The following WDR43 variants were observed in gnomAD, a reference collection of about 807,000 sequenced individuals.
The protein encoded by WDR43 is WD repeat domain 43.
Under a neutral mutation model 91.4 loss-of-function variants are expected in WDR43, and 13 were observed. The ratio of observed to expected loss-of-function variants is 0.14; its 90% CI spans 0.09 to 0.23. The LOEUF is 0.23. Among genes scored for constraint, WDR43 ranks in the 10% least tolerant of loss-of-function variants. WDR43 has a pLI of 1.00. For synonymous variants in WDR43, 331 were observed against 287.9 expected (o/e 1.15, Z -1.51); for missense variants, 780 against 809.4 (o/e 0.96, Z 0.44).
chr2:28,938,948 G>GT (rs1156817168), intron 14 of WDR43, among the ~76,000 whole-genome samples: 65 of 150,978 alleles, frequency 4.3e-4, no homozygotes, highest in African/African-American at 1.5e-3. Context: ...GGTGAGAGGG[G>GT]TTTTGGGAGG....
At chr2:28,929,543 T>A in intron 10 of WDR43, 36 bp from the exon 11 acceptor site, 1 of 1,490,306 alleles carries the variant, frequency 6.7e-7, no homozygotes, top group Non-Finnish European at 9.0e-7. Context: ...TTAAGTCTTG[T>A]CTGGTAACAC....
chr2:28,944,693 C>T (rs1167034087), intron 16 of WDR43, among the ~76,000 whole-genome samples: 10 of 152,226 alleles, frequency 6.6e-5, no homozygotes, highest in Admixed American at 5.9e-4. Context: ...ATGATACCTT[C>T]TGTGTAGCAT....
chr2:28,906,333 A>C (rs935813478), intron 2 of WDR43, 127 bp from the exon 3 acceptor site: 12 of 879,930 alleles, frequency 1.4e-5, no homozygotes, highest in Non-Finnish European at 2.0e-5. Context: ...TGAAATATCC[A>C]CGTGTGGGCC....
At chr2:28,901,966 A>G (rs1300688736) in intron 1 of WDR43, 21 bp from the exon 2 acceptor site, 4 of 1,580,106 alleles carry the variant, frequency 2.5e-6, no homozygotes, top group East Asian at 2.2e-5. Context: ...AAATAAAAAC[A>G]TTGTTTTTCT....
intron 1 of WDR43, chr2:28,895,417 T>C: frequency 6.5e-6 from 1 of 153,744 alleles, no homozygotes; most frequent in Non-Finnish European, 1.4e-5. Flanking sequence ...GGGTGCCGGC[T>C]CACCACGTGT....
chr2:28,935,234 A>C (rs1264677784), intron 11 of WDR43, among the ~76,000 whole-genome samples: 1 of 152,210 alleles, frequency 6.6e-6, no homozygotes, highest in Non-Finnish European at 1.5e-5. Flanking sequence ...ATATGTCTGT[A>C]TTCAAACGTC....
At chr2:28,928,645 G>T (rs1279470150) in intron 10 of WDR43, among the ~76,000 whole-genome samples, 1 of 152,118 alleles carries the variant, frequency 6.6e-6, no homozygotes, top group African/African-American at 2.4e-5. Context: ...TCAGGAATCA[G>T]TTCTATACAA....
At chr2:28,897,929 G>T (rs1670511739) in intron 1 of WDR43, among the ~76,000 whole-genome samples, 1 of 152,196 alleles carries the variant, frequency 6.6e-6, no homozygotes, top group Admixed American at 6.5e-5. Context: ...CTTTAATGAG[G>T]ACAAGAAGAT....
chr2:28,904,019 G>A (rs1670627736), intron 2 of WDR43, among the ~76,000 whole-genome samples: 1 of 152,074 alleles, frequency 6.6e-6, no homozygotes, highest in Admixed American at 6.6e-5. Context: ...TGGCCATGCT[G>A]GTGTCGAACT....
At chr2:28,902,520 C>T (rs1670596634) in intron 2 of WDR43, among the ~76,000 whole-genome samples, 1 of 152,202 alleles carries the variant, frequency 6.6e-6, no homozygotes, top group Non-Finnish European at 1.5e-5. Flanking sequence ...TGAAGAGTGG[C>T]CCCATGGGCA....
intron 7 of WDR43, among the ~76,000 whole-genome samples, chr2:28,923,359 T>G (rs1227634017): frequency 6.6e-6 from 1 of 152,174 alleles, no homozygotes; most frequent in Non-Finnish European, 1.5e-5. Flanking sequence ...AGTATTGTTG[T>G]CAGGTTGTGT....
At chr2:28,895,090 G>C in intron 1 of WDR43, 167 bp downstream of exon 1, 1 of 606,546 alleles carries the variant, frequency 1.6e-6, no homozygotes, top group Admixed American at 4.6e-5. Flanking sequence ...AGCCCCGCGT[G>C]CGGCCTGCCG....
At chr2:28,935,789 A>G (rs1187968323) in intron 12 of WDR43, 182 bp downstream of exon 12, 1 of 394,784 alleles carries the variant, frequency 2.5e-6, no homozygotes, top group Non-Finnish European at 4.5e-6. Flanking sequence ...TTCCTGGGGC[A>G]ATGAAAGGAA....
At chr2:28,911,153 T>A (rs1006553914) in intron 3 of WDR43, among the ~76,000 whole-genome samples, 2 of 152,040 alleles carry the variant, frequency 1.3e-5, no homozygotes, top group Non-Finnish European at 2.9e-5. Flanking sequence ...TCTCATACCC[T>A]GTTTAAATAC....
At chr2:28,905,196 G>C (rs1385454282) in intron 2 of WDR43, 2 of 152,194 alleles carry the variant, frequency 1.3e-5, no homozygotes, top group African/African-American at 4.8e-5. Flanking sequence ...CTAATTCAGA[G>C]GAGGGGCATA....
At chr2:28,938,572 A>AT (rs1237701675) in intron 14 of WDR43, among the ~76,000 whole-genome samples, 4 of 151,928 alleles carry the variant, frequency 2.6e-5, no homozygotes, top group African/African-American at 9.7e-5. Context: ...AAAGTATTCA[A>AT]TTTTTTTTCT....
intron 3 of WDR43, among the ~76,000 whole-genome samples, chr2:28,910,677 A>AT: frequency 1.0e-5 from 1 of 96,916 alleles, no homozygotes; most frequent in South Asian, 3.8e-4. Flanking sequence ...GTGTGTGTGT[A>AT]AATATATATA....
intron 3 of WDR43, among the ~76,000 whole-genome samples, chr2:28,909,717 GA>G (rs1281533989): frequency 2.0e-5 from 3 of 151,916 alleles, no homozygotes; most frequent in Admixed American, 1.3e-4. Flanking sequence ...CTACAAAAAT[GA>G]AAAAAATTAG....
chr2:28,914,715 G>A (rs2148185626), intron 5 of WDR43, among the ~76,000 whole-genome samples: 2 of 152,302 alleles, frequency 1.3e-5, no homozygotes, highest in South Asian at 4.1e-4. Context: ...CGGATCACGA[G>A]GTGAAGAGAT....
Sources: gnomAD v4.1 joint callset for allele counts (sites outside exome capture counted in the v4.1 genomes callset) on GRCh38, gnomAD v4.1.1 for gene constraint, MANE v1.5 for transcripts, NCBI Gene and HGNC (gene_info 2026-07-23, HGNC 2026-07-21) for gene names.